The following EXOC4 variants were observed in gnomAD, a reference collection of about 807,000 sequenced individuals.
EXOC4 encodes the protein exocyst complex component 4.
EXOC4 carries 71 observed loss-of-function variants against 107.2 expected under a neutral mutation model. That is an observed-to-expected ratio of 0.66 (90% CI 0.55 to 0.81). EXOC4 has a LOEUF of 0.81. Ranked by LOEUF, EXOC4 falls within the 30% of genes least tolerant of loss-of-function variation. EXOC4 has a pLI of 0.00. For missense variants in EXOC4, 1,108 were observed against 1,189.6 expected (o/e 0.93, Z 1.01); for synonymous variants, 456 against 441.2 (o/e 1.03, Z -0.42).
At chr7:133,474,411 G>A (rs995826609) in intron 7 of EXOC4, among the ~76,000 whole-genome samples, 2 of 151,942 alleles carry the variant, frequency 1.3e-5, no homozygotes, top group Non-Finnish European at 2.9e-5. Context: ...TGGTTCAAGT[G>A]ATTCTTGTGC....
chr7:133,340,587 T>C (rs370328573), intron 5 of EXOC4, among the ~76,000 whole-genome samples: 1 of 152,084 alleles, frequency 6.6e-6, no homozygotes, highest in Admixed American at 6.5e-5. Flanking sequence ...TGTGGATTAG[T>C]GTCAATAGGA....
intron 10 of EXOC4, among the ~76,000 whole-genome samples, chr7:133,635,184 A>G (rs144271044): frequency 1.3e-5 from 2 of 152,324 alleles, no homozygotes; most frequent in East Asian, 1.9e-4. Context: ...TGATCTGCAT[A>G]TAAAGGAACC....
chr7:133,861,682 C>T (rs1462528497), intron 11 of EXOC4, among the ~76,000 whole-genome samples: 1 of 152,018 alleles, frequency 6.6e-6, no homozygotes, highest in East Asian at 1.9e-4. Context: ...TACAGGAGCC[C>T]GCCACCATGC....
At chr7:133,306,111 A>G in intron 4 of EXOC4, 50 bp downstream of exon 4, 2 of 1,446,854 alleles carry the variant, frequency 1.4e-6, no homozygotes, top group Non-Finnish European at 1.9e-6. Context: ...TAGGATTGGA[A>G]GGAATATTTT....
At chr7:133,423,225 C>CAAAAAAAAAAAAAAAA (rs1797642571) in intron 7 of EXOC4, among the ~76,000 whole-genome samples, 1 of 12,158 alleles carries the variant, frequency 8.2e-5, no homozygotes, top group African/African-American at 7.8e-4. Context: ...GACTCCGTCT[C>CAAAAAAAAAAAAAAAA]CAAAAAAAAA....
At chr7:133,275,578 A>G (rs899635500) in intron 2 of EXOC4, among the ~76,000 whole-genome samples, 2 of 152,156 alleles carry the variant, frequency 1.3e-5, no homozygotes, top group Admixed American at 6.5e-5. Context: ...TGTTGATTCA[A>G]TGCCTATTCT....
chr7:133,462,406 G>T (rs534522238), intron 7 of EXOC4, among the ~76,000 whole-genome samples: 1 of 152,172 alleles, frequency 6.6e-6, no homozygotes, highest in African/African-American at 2.4e-5. Context: ...GAGGCACATA[G>T]TTGTCATCGT....
At chr7:133,430,513 A>T (rs1164550838) in intron 7 of EXOC4, among the ~76,000 whole-genome samples, 1 of 152,078 alleles carries the variant, frequency 6.6e-6, no homozygotes, top group Non-Finnish European at 1.5e-5. Flanking sequence ...TTATCCATTC[A>T]TCAGTTGGTG....
At chr7:133,417,416 C>G (rs1312467653) in intron 7 of EXOC4, among the ~76,000 whole-genome samples, 1 of 152,086 alleles carries the variant, frequency 6.6e-6, no homozygotes, top group Non-Finnish European at 1.5e-5. Context: ...CAACTGAAAC[C>G]TTTTTTACAC....
chr7:134,092,716 T>C, the EXOC4 span, among the ~76,000 whole-genome samples: 2 of 151,876 alleles, frequency 1.3e-5, no homozygotes, highest in African/African-American at 2.4e-5. Context: ...GGGAGTTATA[T>C]ACGTTGAAAC....
At chr7:134,013,162 A>G (rs761084548) in intron 17 of EXOC4, among the ~76,000 whole-genome samples, 1 of 152,220 alleles carries the variant, frequency 6.6e-6, no homozygotes, top group Non-Finnish European at 1.5e-5. Context: ...TTAGTGTGCT[A>G]TATGAAAGGC....
chr7:133,299,250 TTAA>T (rs1391796785), intron 3 of EXOC4, among the ~76,000 whole-genome samples: 2 of 152,250 alleles, frequency 1.3e-5, no homozygotes, highest in East Asian at 3.9e-4. Flanking sequence ...TGACTTTTTT[TTAA>T]TCTGTGAAAT....
chr7:133,642,213 T>C (rs1585049344), intron 10 of EXOC4, among the ~76,000 whole-genome samples: 1 of 152,298 alleles, frequency 6.6e-6, no homozygotes, highest in Non-Finnish European at 1.5e-5. Flanking sequence ...TACCAGACAC[T>C]GTCCTTGGCT....
chr7:134,088,653 G>C, the EXOC4 span, among the ~76,000 whole-genome samples: 1 of 152,124 alleles, frequency 6.6e-6, no homozygotes, highest in Non-Finnish European at 1.5e-5. Context: ...AAAGTTATCA[G>C]AAAACTGCAT....
At chr7:133,919,024 T>C (rs1302965395) in intron 13 of EXOC4, among the ~76,000 whole-genome samples, 1 of 152,210 alleles carries the variant, frequency 6.6e-6, no homozygotes, top group Non-Finnish European at 1.5e-5. Context: ...CATATTTTTA[T>C]GAACTTTTTA....
intron 9 of EXOC4, among the ~76,000 whole-genome samples, chr7:133,536,005 TG>T (rs1428414621): frequency 6.6e-6 from 1 of 152,222 alleles, no homozygotes; most frequent in African/African-American, 2.4e-5. Context: ...TAGTAGTTTT[TG>T]TTCAGAAATG....
intron 13 of EXOC4, among the ~76,000 whole-genome samples, chr7:133,924,027 A>T (rs1304593068): frequency 1.3e-5 from 2 of 151,796 alleles, no homozygotes; most frequent in African/African-American, 4.9e-5. Flanking sequence ...GTAAAGAATG[A>T]TTGAGAGATC....
chr7:133,657,190 G>A (rs1249076447), intron 10 of EXOC4, among the ~76,000 whole-genome samples: 1 of 152,138 alleles, frequency 6.6e-6, no homozygotes, highest in Non-Finnish European at 1.5e-5. Context: ...CAAATGAGAA[G>A]CATGGACATC....
At chr7:133,766,960 T>C (rs1447693688) in intron 10 of EXOC4, among the ~76,000 whole-genome samples, 1 of 151,960 alleles carries the variant, frequency 6.6e-6, no homozygotes, top group Non-Finnish European at 1.5e-5. Flanking sequence ...TCTACAGATA[T>C]CTTCTTCCTC....
Sources: gnomAD v4.1 joint callset for allele counts (sites outside exome capture counted in the v4.1 genomes callset) on GRCh38, gnomAD v4.1.1 for gene constraint, MANE v1.5 for transcripts, NCBI Gene and HGNC (gene_info 2026-07-23, HGNC 2026-07-21) for gene names.